ARAP2: variants seen among roughly 807,000 people sequenced by gnomAD.
ARAP2 encodes ArfGAP with RhoGAP domain, ankyrin repeat and PH domain 2, also known as arf-GAP with Rho-GAP domain, ANK repeat and PH domain-containing protein 2.
In ARAP2, 148 loss-of-function variants were observed where a neutral mutation model predicts 194.5. That is an observed-to-expected ratio of 0.76 (90% CI 0.67 to 0.87). The LOEUF (loss-of-function observed/expected upper bound fraction) is 0.87. Ranked by LOEUF, ARAP2 falls within the 40% of genes least tolerant of loss-of-function variation. The pLI, the probability that ARAP2 is intolerant of heterozygous loss-of-function variation, is 0.00. For synonymous variants in ARAP2, 695 were observed against 683.5 expected (o/e 1.02, Z -0.26); for missense variants, 2,128 against 1,989.7 (o/e 1.07, Z -1.32).
chr4:36,064,522 ATAC>A (rs574831907), downstream of ARAP2, among the ~76,000 whole-genome samples: 69 of 152,290 alleles, frequency 4.5e-4, no homozygotes, highest in African/African-American at 1.5e-3. Flanking sequence ...GGGCACAGGG[ATAC>A]TACTTGGTTA....
chr4:36,019,102 T>G (rs1271408413), intron 6 of ARAP2: 5 of 149,606 alleles, frequency 3.3e-5, no homozygotes, highest in Admixed American at 2.6e-4. Context: ...TGCATATATA[T>G]TTAAAATACA....
At chr4:36,036,266 G>A (rs769567052) in intron 5 of ARAP2, among the ~76,000 whole-genome samples, 5 of 152,092 alleles carry the variant, frequency 3.3e-5, no homozygotes, top group Admixed American at 1.3e-4. Context: ...TATTTGAGGA[G>A]AACCGGCATG....
intron 7 of ARAP2, 73 bp from the exon 8 acceptor site, chr4:36,187,644 CAGT>C: frequency 7.5e-7 from 1 of 1,341,338 alleles, no homozygotes; most frequent in South Asian, 1.6e-5. Flanking sequence ...AAGAATGGCA[CAGT>C]ATTTATAACT....
intron 11 of ARAP2, among the ~76,000 whole-genome samples, chr4:36,162,078 A>T (rs1464180750): frequency 6.7e-6 from 1 of 149,174 alleles, no homozygotes; most frequent in East Asian, 2.0e-4. Context: ...ACTGCACTCC[A>T]GCCTGGGCGA....
At chr4:36,172,940 T>C (rs561553883) in intron 9 of ARAP2, among the ~76,000 whole-genome samples, 49 of 152,208 alleles carry the variant, frequency 3.2e-4, no homozygotes, top group East Asian at 2.7e-3. Context: ...CCCTATGAGG[T>C]CTATTTAAAT....
intron 2 of ARAP2, among the ~76,000 whole-genome samples, chr4:36,223,910 G>A (rs549115074): frequency 3.9e-5 from 6 of 152,190 alleles, no homozygotes; most frequent in East Asian, 3.9e-4. Flanking sequence ...ACGGTATTTC[G>A]TCATGGTAGC....
At chr4:36,076,998 G>C (rs984055148) in intron 31 of ARAP2, among the ~76,000 whole-genome samples, 1 of 152,090 alleles carries the variant, frequency 6.6e-6, no homozygotes, top group African/African-American at 2.4e-5. Context: ...AGATAGCAAG[G>C]GCATGGGAGT....
intron 28 of ARAP2, among the ~76,000 whole-genome samples, chr4:36,085,361 C>G (rs903709639): frequency 2.6e-5 from 4 of 151,988 alleles, no homozygotes; most frequent in Non-Finnish European, 5.9e-5. Context: ...TTTTGTCAAT[C>G]TGGAATACAT....
intron 28 of ARAP2, among the ~76,000 whole-genome samples, chr4:36,088,806 C>G (rs937188511): frequency 1.3e-5 from 2 of 152,112 alleles, no homozygotes; most frequent in Non-Finnish European, 2.9e-5. Context: ...GGAAAGCTGC[C>G]TAACAATTCT....
chr4:36,107,476 C>T, intron 27 of ARAP2, 89 bp downstream of exon 27: 2 of 1,376,668 alleles, frequency 1.5e-6, no homozygotes, highest in African/African-American at 1.5e-5. Flanking sequence ...TCGTTTTTCA[C>T]ATTTTCAAAT....
chr4:36,073,335 C>T (rs1330190361), intron 32 of ARAP2, among the ~76,000 whole-genome samples: 2 of 152,100 alleles, frequency 1.3e-5, no homozygotes, highest in Admixed American at 1.3e-4. Flanking sequence ...ACCAGGGCTC[C>T]AGACATATTC....
At chr4:36,119,464 A>G (rs1161265677) in intron 24 of ARAP2, among the ~76,000 whole-genome samples, 186 bp downstream of exon 24, 1 of 151,476 alleles carries the variant, frequency 6.6e-6, no homozygotes, top group African/African-American at 2.4e-5. Flanking sequence ...TTAAAAATTT[A>G]CATTAACATA....
intron 2 of ARAP2, among the ~76,000 whole-genome samples, chr4:36,218,733 G>T (rs1411188266): frequency 6.6e-6 from 1 of 152,084 alleles, no homozygotes; most frequent in Non-Finnish European, 1.5e-5. Flanking sequence ...AAATTAAGAT[G>T]AAGAACTCTT....
At chr4:36,147,199 T>G in intron 19 of ARAP2, 97 bp downstream of exon 19, 4 of 1,102,466 alleles carry the variant, frequency 3.6e-6, no homozygotes, top group Non-Finnish European at 2.7e-6. Flanking sequence ...TCAACAGGTT[T>G]TAAAATATTG....
At chr4:36,244,102 C>A (rs1054107453) in intron 1 of ARAP2, 77 bp downstream of exon 1, 20 of 152,260 alleles carry the variant, frequency 1.3e-4, no homozygotes, top group African/African-American at 4.8e-4. Context: ...CGAAAAGCCC[C>A]AGCCCCTCCA....
chr4:36,121,642 C>T (rs1314502649), intron 22 of ARAP2, among the ~76,000 whole-genome samples: 8 of 151,628 alleles, frequency 5.3e-5, no homozygotes, highest in Non-Finnish European at 8.9e-5. Flanking sequence ...TAGAAGTATG[C>T]TTGCAGAATG....
In ARAP2 at chr4:36,073,786, C is replaced by T. The variant is rs764015913; in HGVS notation, c.4646G>A (p.Arg1549Gln). The T allele has an allele frequency of 4.1e-5, 66 of 1,613,008 alleles. 1 individual carries two copies. The highest frequency in any genetic ancestry group is 5.2e-5 in the Non-Finnish European group (61 of 1,179,338). Residue 1549 changes from arginine to glutamine, a missense_variant, in exon 32 of 33, where the codon CGA becomes CAA. By Grantham distance (43) the Arg-to-Gln change is conservative. Coordinates refer to ENST00000303965, the MANE Select transcript of ARAP2 (RefSeq NM_015230.4). The part of the protein sequence containing the change: ...YDIWPPAGKE[R>Q]KRSITKNPKI... ...GGGATTTTTGGTTATTGAACGTTTT[C>T]GTTCCTTTCCAGCTGGTGGCCATAT...
At chr4:36,071,693 A>ATTT in intron 32 of ARAP2, among the ~76,000 whole-genome samples, 1 of 147,126 alleles carries the variant, frequency 6.8e-6, no homozygotes, top group Non-Finnish European at 1.5e-5. Context: ...TTTTTTTTTA[A>ATTT]TTTTTTTTCT....
chr4:36,186,583 G>A (rs948921376), intron 8 of ARAP2, among the ~76,000 whole-genome samples: 2 of 152,236 alleles, frequency 1.3e-5, no homozygotes, highest in Admixed American at 6.5e-5. Flanking sequence ...GGGCCACACA[G>A]CAGAAGGTGA....
Sources: allele counts gnomAD v4.1 joint callset (sites outside exome capture counted in the v4.1 genomes callset), GRCh38; gene constraint gnomAD v4.1.1; transcripts MANE v1.5; gene names NCBI Gene and HGNC (gene_info 2026-07-23, HGNC 2026-07-21).